The following SEMA4B variants were observed in gnomAD, a reference collection of about 807,000 sequenced individuals.
SEMA4B encodes semaphorin 4B, also known as semaphorin-4B.
SEMA4B carries 55 observed loss-of-function variants against 88.1 expected under a neutral mutation model. The ratio of observed to expected loss-of-function variants is 0.62; its 90% CI spans 0.50 to 0.78. The LOEUF (loss-of-function observed/expected upper bound fraction) is 0.78. Among genes scored for constraint, SEMA4B ranks in the 30% least tolerant of loss-of-function variants. The probability of loss-of-function intolerance (pLI) is 0.00; values close to 1 mark genes in which losing one functional copy is unlikely to be tolerated. For missense variants in SEMA4B, 1,062 were observed against 1,111.9 expected, an observed-to-expected ratio of 0.96 and a Z score of 0.64; for synonymous variants, 525 against 473.6, an observed-to-expected ratio of 1.11 and a Z score of -1.41.
chr15:90,207,061 A>G, intron 1 of SEMA4B: 1 of 334,616 alleles, frequency 3.0e-6, no homozygotes, highest in South Asian at 2.8e-5. Flanking sequence ...TCTTCTGGGC[A>G]CTGAATACTG....
rs747393623 is a variant in SEMA4B at position 90,227,977 on chromosome 15, C to T, written c.1848C>T (p.Asn616=). ...VNTLACPLLS[N]LATRLWLRNG... ...CTTTGGCCTGCCCGCTCCTCTCCAA[C>T]CTGGCGACCCGACTCTGGCTACGCA... The change falls in exon 14 of 14, where the codon AAC becomes AAT. Residue 616 remains asparagine (N), a synonymous_variant. Transcript: ENST00000411539. The T allele has an allele frequency of 1.2e-6, 2 of 1,613,840 alleles. No homozygotes were observed. The highest frequency in any genetic ancestry group is 1.7e-6 in the Non-Finnish European group (2 of 1,179,872).
chr15:90,187,426 G>T (rs1243284475), intron 1 of SEMA4B, among the ~76,000 whole-genome samples: 1 of 152,168 alleles, frequency 6.6e-6, no homozygotes, highest in Non-Finnish European at 1.5e-5. Context: ...TTCTGTCCTG[G>T]GGCTGGAGAT....
chr15:90,225,709 G>A lies in SEMA4B; in HGVS notation c.1570G>A (p.Ala524Thr). ...CTCGGGCGTAGTCCAGGTGCCCATG[G>A]CCAACTGCAGCCTGTACAGGAGCTG... ...SHSGVVQVPM[A>T]NCSLYRSCGD... Residue 524 changes from alanine (A) to threonine (T), a missense_variant, in exon 12 of 14, where the codon GCC (alanine) becomes ACC (threonine). By Grantham distance (58) the Ala-to-Thr change is moderately conservative. Coordinates refer to ENST00000411539, the MANE Select transcript of SEMA4B (RefSeq NM_198925.4). 6.4e-7 allele frequency: 1 copy of A among 1,567,518 alleles called. No homozygotes were observed. Among genetic ancestry groups the A allele is most frequent in the Non-Finnish European group, 8.6e-7 (1 of 1,157,242 alleles).
intron 9 of SEMA4B, 59 bp downstream of exon 9, chr15:90,224,047 A>T (rs950318731): frequency 1.3e-6 from 2 of 1,531,150 alleles, no homozygotes; most frequent in East Asian, 4.6e-5. Context: ...TCCCCACACC[A>T]TGCTGGGAGC....
At chr15:90,208,640 TCA>T (rs1440044601) in intron 1 of SEMA4B, among the ~76,000 whole-genome samples, 1 of 152,234 alleles carries the variant, frequency 6.6e-6, no homozygotes, top group African/African-American at 2.4e-5. Flanking sequence ...AAGTGAGGAT[TCA>T]CACACATGTC....
At position 90,229,246 on chromosome 15, in the gene SEMA4B, C is replaced by T. The variant is rs1444594294; in HGVS notation, c.*603C>T. 2.0e-5 allele frequency: 9 copies of T among 453,540 alleles called. No individual in the cohort carries two copies. The highest frequency in any genetic ancestry group is 3.6e-5 in the Non-Finnish European group (8 of 224,826). The allele number at this position is 453,540 out of a possible 1,614,324, so 28.1% of individuals were successfully genotyped here. On this transcript the variant is annotated 3_prime_UTR_variant, in exon 14 of 14. Coordinates refer to ENST00000411539, the MANE Select transcript of SEMA4B (RefSeq NM_198925.4). ...AGAGGGCTAGGTTGGCACTGCGGCC[C>T]TCACCAGGTCCTGGGCTCGGACCCA...
In SEMA4B at chr15:90,221,383, T is replaced by C. The variant is rs1449336013; in HGVS notation, c.612T>C (p.Thr204=). ...TCTTGGCAGATGGCGAGCTCTACACTGGAACAGTCAGCAGCTTCCAAGGGA... is the reference window on the plus strand; with the variant it reads ...TCTTGGCAGATGGCGAGCTCTACACCGGAACAGTCAGCAGCTTCCAAGGGA... ...TALVVDGELY[T]GTVSSFQGND... Residue 204 remains threonine (T), a synonymous_variant, in exon 6 of 14, where the codon ACT becomes ACC. Transcript: ENST00000411539. The C allele has an allele frequency of 6.4e-7, 1 of 1,567,032 alleles. No homozygotes were observed. The highest frequency in any genetic ancestry group is 8.6e-7 in the Non-Finnish European group (1 of 1,156,910).
chr15:90,185,627 A>C (rs944027317), intron 1 of SEMA4B, among the ~76,000 whole-genome samples: 1 of 152,220 alleles, frequency 6.6e-6, no homozygotes, highest in African/African-American at 2.4e-5. Flanking sequence ...GAAGGTCATC[A>C]AATCTCTGCC....
At chr15:90,203,871 G>A (rs1426727717) in intron 1 of SEMA4B, among the ~76,000 whole-genome samples, 4 of 152,168 alleles carry the variant, frequency 2.6e-5, no homozygotes, top group Non-Finnish European at 5.9e-5. Context: ...CAAAGCCCTG[G>A]AATAGTGTAG....
At chr15:90,187,802 T>C (rs139043283) in intron 1 of SEMA4B, among the ~76,000 whole-genome samples, 10,298 of 151,984 alleles carry the variant, frequency 0.068, 1,100 homozygotes, top group African/African-American at 0.23. Context: ...GTCAGGAGAT[T>C]GAGACCAGCC....
At position 90,229,323 on chromosome 15, in the gene SEMA4B, C is replaced by T. The variant is rs1375226417; in HGVS notation, c.*680C>T. The T allele has an allele frequency of 4.4e-6, 2 of 456,924 alleles. No homozygotes were observed. Among genetic ancestry groups the T allele is most frequent in the Admixed American group, 2.3e-5 (1 of 42,584 alleles). The allele number at this position is 456,924 out of a possible 1,614,324, so 28.3% of individuals were successfully genotyped here. On this transcript the variant is annotated 3_prime_UTR_variant, in exon 14 of 14. Coordinates refer to ENST00000411539, the MANE Select transcript of SEMA4B (RefSeq NM_198925.4). ...AGGCTGTGGCCACACGAGAGGACAGCGCGAGCTCAGGAGAGATTTCGTGAC... is the reference window on the plus strand; with the variant it reads ...AGGCTGTGGCCACACGAGAGGACAGTGCGAGCTCAGGAGAGATTTCGTGAC...
In SEMA4B at chr15:90,228,007, GGC is replaced by G. The variant is rs1962264998; in HGVS notation, c.1879_1880del (p.Ala627ProfsTer58). On this transcript the variant is annotated frameshift_variant, in exon 14 of 14. Coordinates refer to ENST00000411539, the MANE Select transcript of SEMA4B (RefSeq NM_198925.4). LOFTEE classifies it high-confidence loss of function. ...LATRLWLRNGAPVNASASCHV... is the reference protein window; with the variant it reads ...LATRLWLRNGXPVNASASCHV... ...CGACCCGACTCTGGCTACGCAACGG[GGC>G]CCCCGTCAATGCCTCGGCCTCCTGC... 3 of 1,613,778 alleles carry G rather than the reference GGC, an allele frequency of 1.9e-6. No individual in the cohort carries two copies. The highest frequency in any genetic ancestry group is 2.5e-6 in the Non-Finnish European group (3 of 1,179,880).
intron 1 of SEMA4B, among the ~76,000 whole-genome samples, chr15:90,192,702 T>C (rs1960380231): frequency 6.7e-6 from 1 of 149,458 alleles, no homozygotes; most frequent in Non-Finnish European, 1.5e-5. Flanking sequence ...GCAATTCTCC[T>C]GCCTCAGCCT....
chr15:90,201,148 G>T (rs566105975), upstream of SEMA4B, among the ~76,000 whole-genome samples: 239 of 152,220 alleles, frequency 1.6e-3, 1 homozygote, highest in African/African-American at 5.7e-3. Flanking sequence ...GCTGGGGGTC[G>T]GCTTTCGTCC....
chr15:90,189,614 G>C (rs1177854863), intron 1 of SEMA4B, among the ~76,000 whole-genome samples: 1 of 152,040 alleles, frequency 6.6e-6, no homozygotes, highest in East Asian at 1.9e-4. Flanking sequence ...TCATGTCAAG[G>C]TTATATAACT....
At chr15:90,225,912 G>C (rs563799111) in intron 12 of SEMA4B, 85 bp downstream of exon 12, 10 of 1,095,430 alleles carry the variant, frequency 9.1e-6, no homozygotes, top group Non-Finnish European at 1.2e-5. Context: ...CCTTGGGACC[G>C]CCACACAGCC....
chr15:90,204,970 T>C (rs796507664), intron 1 of SEMA4B, among the ~76,000 whole-genome samples: 25 of 152,264 alleles, frequency 1.6e-4, no homozygotes, highest in African/African-American at 5.5e-4. Flanking sequence ...AGATGGGATT[T>C]CACCATGTTG....
chr15:90,216,049 T>C (rs1961520862), intron 1 of SEMA4B, among the ~76,000 whole-genome samples: 2 of 151,300 alleles, frequency 1.3e-5, no homozygotes, highest in Admixed American at 6.6e-5. Flanking sequence ...AGTGCAATGG[T>C]GTGATCTCAG....
In SEMA4B at chr15:90,201,529, C is replaced by T. The variant is rs1960724457; in HGVS notation, c.-50C>T. The T allele has an allele frequency of 1.5e-6, 2 of 1,353,188 alleles. No individual in the cohort carries two copies. The highest frequency in any genetic ancestry group is 1.9e-6 in the Non-Finnish European group (2 of 1,057,738). 83.8% of individuals were successfully genotyped at this position (1,353,188 alleles called of 1,614,324 possible). A position where few individuals can be genotyped will look rare whatever the true frequency, so the allele number is the denominator to read the frequency against. Reference sequence around the variant, plus strand: ...GCGGAGCTGCCGCCCGTGAGTCCGGCCGAGCCACCTGAGCCCGAGCCGCGG... The same window carrying T: ...GCGGAGCTGCCGCCCGTGAGTCCGGTCGAGCCACCTGAGCCCGAGCCGCGG... On this transcript the variant is annotated 5_prime_UTR_variant, in exon 1 of 14. Coordinates refer to ENST00000411539, the MANE Select transcript of SEMA4B (RefSeq NM_198925.4).
Sources: gnomAD v4.1 joint callset for allele counts (sites outside exome capture counted in the v4.1 genomes callset) on GRCh38, gnomAD v4.1.1 for gene constraint, MANE v1.5 for transcripts, NCBI Gene and HGNC (gene_info 2026-07-23, HGNC 2026-07-21) for gene names.